Variants in EDA observed in about 807,000 individuals in gnomAD.
The protein encoded by EDA is ectodysplasin-A.
EDA carries 2 observed loss-of-function variants against 23.6 expected under a neutral mutation model. The ratio of observed to expected loss-of-function variants is 0.08; its 90% CI spans 0.03 to 0.27. The LOEUF is 0.27. Ranked by LOEUF, EDA falls within the 10% of genes least tolerant of loss-of-function variation. EDA has a pLI of 1.00. For synonymous variants in EDA, 131 were observed against 132.0 expected (o/e 0.99, Z 0.05); for missense variants, 229 against 324.2 (o/e 0.71, Z 2.26).
At chrX:70,022,482 G>A (rs1216687360) in intron 2 of EDA, among the ~76,000 whole-genome samples, 3 of 109,093 alleles carry the variant, frequency 2.7e-5, no homozygotes, top group African/African-American at 1.0e-4. Context: ...GACTACAGGC[G>A]CCCACCACCA....
At chrX:69,674,102 CCTATCTATCTATCTATCTAT>C (rs201928323) in intron 1 of EDA, among the ~76,000 whole-genome samples, 2 of 105,567 alleles carry the variant, frequency 1.9e-5, no homozygotes, top group African/African-American at 6.9e-5. Flanking sequence ...GTAGGAAAAG[CCTATCTATCTATCTATCTAT>C]CTATCTATCT....
At chrX:70,000,574 G>A (rs1172372206) in intron 2 of EDA, among the ~76,000 whole-genome samples, 4 of 112,262 alleles carry the variant, frequency 3.6e-5, no homozygotes, top group Non-Finnish European at 7.5e-5. Context: ...GGATAAAGAG[G>A]TTCAGTTAAT....
intron 1 of EDA, among the ~76,000 whole-genome samples, chrX:69,825,707 GCT>G (rs1439824039): frequency 8.9e-6 from 1 of 112,212 alleles, no homozygotes; most frequent in African/African-American, 3.2e-5. Flanking sequence ...CTTCAGTTCT[GCT>G]CTGATTTTAG....
At chrX:69,790,843 T>TG (rs1313422386) in intron 1 of EDA, among the ~76,000 whole-genome samples, 1 of 3,514 alleles carries the variant, frequency 2.8e-4, no homozygotes, top group Non-Finnish European at 4.9e-4. Flanking sequence ...AATTTCCTCA[T>TG]GGCTTTTTTT....
At chrX:69,629,008 T>G (rs1291863880) in intron 1 of EDA, among the ~76,000 whole-genome samples, 1 of 111,608 alleles carries the variant, frequency 9.0e-6, no homozygotes, top group African/African-American at 3.3e-5. Flanking sequence ...AGCTAGATTA[T>G]TTTTCTTCCA....
intron 1 of EDA, 177 bp downstream of exon 1, chrX:69,616,881 G>A: frequency 1.6e-6 from 1 of 627,390 alleles, no homozygotes; most frequent in Non-Finnish European, 2.4e-6. Context: ...TCGGTCCCTG[G>A]CCCAGCTAAT....
At chrX:69,872,550 G>A (rs917237211) in intron 1 of EDA, among the ~76,000 whole-genome samples, 1 of 111,406 alleles carries the variant, frequency 9.0e-6, no homozygotes, top group Non-Finnish European at 1.9e-5. Flanking sequence ...TAAAGGGGTG[G>A]GAAAAGATAA....
chrX:69,646,336 A>G (rs1932926185), intron 1 of EDA, among the ~76,000 whole-genome samples: 1 of 111,592 alleles, frequency 9.0e-6, no homozygotes, highest in South Asian at 3.8e-4. Context: ...TAGGTCTCTA[A>G]GAATTTGCCT....
chrX:69,858,937 A>G (rs2017318916), intron 1 of EDA, among the ~76,000 whole-genome samples: 1 of 111,320 alleles, frequency 9.0e-6, no homozygotes. Context: ...CAGGGATTCA[A>G]TTTCTTCCTG....
chrX:69,771,528 G>A (rs1211526843), intron 1 of EDA, among the ~76,000 whole-genome samples: 2 of 111,492 alleles, frequency 1.8e-5, no homozygotes, highest in South Asian at 3.7e-4. Flanking sequence ...GGTGTGAGGG[G>A]GAAATAAGGA....
intron 1 of EDA, among the ~76,000 whole-genome samples, chrX:69,827,601 C>A (rs919919885): frequency 9.0e-6 from 1 of 111,613 alleles, no homozygotes; most frequent in Non-Finnish European, 1.9e-5. Flanking sequence ...ATACATTCTT[C>A]TAAATTTTTT....
chrX:69,877,746 A>G (rs1365770258), intron 1 of EDA, among the ~76,000 whole-genome samples: 2 of 111,704 alleles, frequency 1.8e-5, no homozygotes, highest in Non-Finnish European at 3.8e-5. Flanking sequence ...TCTCTCCCAA[A>G]CCCAAGGTTA....
At chrX:69,656,257 A>T (rs1316672377) in intron 1 of EDA, among the ~76,000 whole-genome samples, 4 of 111,262 alleles carry the variant, frequency 3.6e-5, no homozygotes, top group Non-Finnish European at 7.5e-5. Flanking sequence ...TAATCTTCAG[A>T]AATCTCTGTC....
intron 1 of EDA, among the ~76,000 whole-genome samples, chrX:69,881,091 A>T (rs896645804): frequency 1.8e-5 from 2 of 111,627 alleles, no homozygotes; most frequent in African/African-American, 6.5e-5. Flanking sequence ...GACACCTCAT[A>T]CCCCACGAAG....
At chrX:69,864,920 G>T (rs769530712) in intron 1 of EDA, among the ~76,000 whole-genome samples, 28 of 111,379 alleles carry the variant, frequency 2.5e-4, no homozygotes, top group Non-Finnish European at 4.7e-4. Flanking sequence ...GAACCTGGGA[G>T]GTGGAGGTTG....
At chrX:69,863,002 C>T (rs182037757) in intron 1 of EDA, among the ~76,000 whole-genome samples, 5 of 105,386 alleles carry the variant, frequency 4.7e-5, no homozygotes, top group African/African-American at 1.7e-4. Flanking sequence ...CACACCACAA[C>T]AGCACCACCA....
At chrX:69,929,706 T>TGTG (rs373930590) in intron 1 of EDA, among the ~76,000 whole-genome samples, 2,209 of 84,299 alleles carry the variant, frequency 0.026, 61 homozygotes, top group East Asian at 0.14. Flanking sequence ...CATTCTATTT[T>TGTG]TGTGTGTGTG....
intron 1 of EDA, among the ~76,000 whole-genome samples, chrX:69,817,700 A>G (rs953717044): frequency 8.9e-6 from 1 of 112,378 alleles, no homozygotes; most frequent in African/African-American, 3.2e-5. Flanking sequence ...TGCCTAATAC[A>G]GGAGCAATCA....
chrX:69,990,431 G>A (rs963253865), intron 2 of EDA, among the ~76,000 whole-genome samples: 2 of 111,301 alleles, frequency 1.8e-5, no homozygotes, highest in Non-Finnish European at 3.8e-5. Flanking sequence ...CTGATTGATA[G>A]CTATCTACTG....
Sources: allele counts gnomAD v4.1 joint callset (sites outside exome capture counted in the v4.1 genomes callset), GRCh38; gene constraint gnomAD v4.1.1; transcripts MANE v1.5; gene names NCBI Gene and HGNC (gene_info 2026-07-23, HGNC 2026-07-21).